The following CCSER1 variants were observed in gnomAD, a reference collection of about 807,000 sequenced individuals.
The protein encoded by CCSER1 is coiled-coil serine rich protein 1, also known as serine-rich coiled-coil domain-containing protein 1.
In CCSER1, 41 loss-of-function variants were observed where a neutral mutation model predicts 82.0. That is an observed-to-expected ratio of 0.50 (90% CI 0.39 to 0.65). The LOEUF is 0.65. Among genes scored for constraint, CCSER1 ranks in the 30% least tolerant of loss-of-function variants. The pLI is 0.00. For missense variants in CCSER1, 1,119 were observed against 1,064.2 expected (o/e 1.05, Z -0.72); for synonymous variants, 414 against 383.9 (o/e 1.08, Z -0.92).
chr4:91,424,027 T>TTTA (rs869264659), intron 10 of CCSER1, among the ~76,000 whole-genome samples: 1 of 141,908 alleles, frequency 7.0e-6, no homozygotes. Flanking sequence ...TTTTTTTTTT[T>TTTA]GAGACGGAGT....
intron 1 of CCSER1, among the ~76,000 whole-genome samples, chr4:90,168,827 T>G (rs1731041599): frequency 7.2e-6 from 1 of 138,958 alleles, no homozygotes; most frequent in Non-Finnish European, 1.5e-5. Context: ...TCTGTTGCAT[T>G]GATCTATATC....
intron 10 of CCSER1, chr4:91,112,631 T>C (rs899291621): frequency 6.6e-6 from 1 of 152,048 alleles, no homozygotes; most frequent in African/African-American, 2.4e-5. Context: ...GTTCTCAAGG[T>C]CATTATGCAG....
At chr4:90,756,960 A>T (rs1307125226) in intron 7 of CCSER1, among the ~76,000 whole-genome samples, 3 of 152,190 alleles carry the variant, frequency 2.0e-5, no homozygotes, top group Non-Finnish European at 4.4e-5. Context: ...ATTAAACTAA[A>T]AATAAATTTA....
chr4:91,221,489 A>G (rs1737738423), intron 10 of CCSER1, among the ~76,000 whole-genome samples: 1 of 152,198 alleles, frequency 6.6e-6, no homozygotes, highest in South Asian at 2.1e-4. Context: ...TAAGAGCTTT[A>G]AAAGGTTATG....
At chr4:90,290,539 A>G (rs1045024305) in intron 1 of CCSER1, among the ~76,000 whole-genome samples, 6 of 151,968 alleles carry the variant, frequency 3.9e-5, no homozygotes, top group African/African-American at 1.4e-4. Flanking sequence ...AAATGTTCTC[A>G]GATCCTACAT....
At chr4:90,239,561 G>A (rs940940186) in intron 1 of CCSER1, among the ~76,000 whole-genome samples, 1 of 152,144 alleles carries the variant, frequency 6.6e-6, no homozygotes, top group Non-Finnish European at 1.5e-5. Context: ...GAGAGCAGTG[G>A]TACAATTATG....
chr4:90,195,626 T>G (rs1207850317), intron 1 of CCSER1, among the ~76,000 whole-genome samples: 1 of 152,092 alleles, frequency 6.6e-6, no homozygotes, highest in Non-Finnish European at 1.5e-5. Context: ...GATGTGTAAA[T>G]GTAGGCTGTG....
At chr4:90,299,549 AT>A (rs1732690196) in intron 1 of CCSER1, among the ~76,000 whole-genome samples, 1 of 152,068 alleles carries the variant, frequency 6.6e-6, no homozygotes, top group African/African-American at 2.4e-5. Context: ...CTTGGTCCAG[AT>A]TAGCCATCCT....
In CCSER1 at chr4:90,271,848, ATATATATATATATATTTTTTTTTTT is replaced by A. The variant is rs1422382745; in HGVS notation, c.-41-36394_-41-36370del. Among the ~76,000 whole-genome samples the A allele has an allele frequency of 3.9e-4, 9 of 23,352 alleles. 1 individual carries two copies. The highest frequency in any genetic ancestry group is 2.8e-3 in the African/African-American group (7 of 2,528). 15.3% of individuals were successfully genotyped at this position (23,352 alleles called of 152,430 possible). On this transcript the variant is annotated intron_variant, in intron 1 of 10. Coordinates refer to ENST00000509176, the MANE Select transcript of CCSER1 (RefSeq NM_001145065.2). The stretch of plus-strand genomic sequence containing the variant: ...AATTTATATATATATATATATATAT[ATATATATATATATATTTTTTTTTTT>A]TTTTTTTTTTTTTTTTTAAAAGGAG...
chr4:90,988,949 A>T (rs1488634648), intron 9 of CCSER1, among the ~76,000 whole-genome samples: 1 of 151,768 alleles, frequency 6.6e-6, no homozygotes, highest in Non-Finnish European at 1.5e-5. Flanking sequence ...TTGGCTAGAC[A>T]CAGCATCTCC....
At chr4:91,353,207 G>A (rs1748593014) in intron 10 of CCSER1, among the ~76,000 whole-genome samples, 1 of 152,172 alleles carries the variant, frequency 6.6e-6, no homozygotes, top group Non-Finnish European at 1.5e-5. Flanking sequence ...GCAAGCTACT[G>A]CCTTAAAATC....
intron 10 of CCSER1, among the ~76,000 whole-genome samples, chr4:91,125,128 A>T (rs1300328508): frequency 2.0e-5 from 3 of 151,756 alleles, no homozygotes; most frequent in African/African-American, 7.2e-5. Context: ...TTCAATCAGT[A>T]TATCAAATTT....
intron 10 of CCSER1, among the ~76,000 whole-genome samples, chr4:91,158,639 TG>T (rs1731062405): frequency 6.6e-6 from 1 of 151,866 alleles, no homozygotes; most frequent in Non-Finnish European, 1.5e-5. Flanking sequence ...TGTGTGTGTG[TG>T]TGTGTGTCTC....
At chr4:90,903,604 C>T (rs1398323576) in intron 8 of CCSER1, among the ~76,000 whole-genome samples, 3 of 152,140 alleles carry the variant, frequency 2.0e-5, no homozygotes, top group Non-Finnish European at 2.9e-5. Flanking sequence ...CACATGGCTA[C>T]TGCCAGAGCT....
At chr4:90,749,464 G>A (rs1340222105) in intron 7 of CCSER1, among the ~76,000 whole-genome samples, 2 of 152,014 alleles carry the variant, frequency 1.3e-5, no homozygotes, top group Non-Finnish European at 2.9e-5. Flanking sequence ...TCTGAAGTCA[G>A]GTAGCGTGAT....
rs147366420 is a variant in CCSER1, at chr4:91,370,540, T to C, written c.2218-228032T>C. Among the ~76,000 whole-genome samples the C allele has an allele frequency of 6.2e-3, 935 of 151,724 alleles. 12 individuals are homozygous for C. The highest frequency in any genetic ancestry group is 0.021 in the African/African-American group (873 of 41,448). ...TGAAACCCTGTCTCTACTAAAAATATGAAAATTAGCCAGGCGTGGTAGCAC... is the reference window on the plus strand; with the variant it reads ...TGAAACCCTGTCTCTACTAAAAATACGAAAATTAGCCAGGCGTGGTAGCAC... On this transcript the variant is annotated intron_variant, in intron 10 of 10. Transcript: ENST00000509176.
chr4:90,362,886 T>G (rs1745610403), intron 3 of CCSER1, among the ~76,000 whole-genome samples: 2 of 152,202 alleles, frequency 1.3e-5, no homozygotes, highest in Admixed American at 1.3e-4. Flanking sequence ...CTTTCTAAGT[T>G]GTGTGAGTAC....
intron 10 of CCSER1, among the ~76,000 whole-genome samples, chr4:91,462,231 C>T (rs1221502123): frequency 6.6e-6 from 1 of 152,110 alleles, no homozygotes; most frequent in Admixed American, 6.6e-5. Context: ...ATAATTTCCT[C>T]CTTATCATAC....
intron 5 of CCSER1, among the ~76,000 whole-genome samples, chr4:90,494,198 TCCA>T (rs1472500616): frequency 6.6e-6 from 1 of 152,144 alleles, no homozygotes; most frequent in East Asian, 1.9e-4. Flanking sequence ...AGGGATCAAT[TCCA>T]CAAGAAGAGC....
Sources: allele counts gnomAD v4.1 joint callset (sites outside exome capture counted in the v4.1 genomes callset), GRCh38; gene constraint gnomAD v4.1.1; transcripts MANE v1.5; gene names NCBI Gene and HGNC (gene_info 2026-07-23, HGNC 2026-07-21).